The following ROBO1 variants were observed in gnomAD, a reference collection of about 807,000 sequenced individuals.
ROBO1 encodes roundabout guidance receptor 1, also known as roundabout homolog 1.
A neutral mutation model predicts 195.9 loss-of-function variants in ROBO1; 149 were observed. The ratio of observed to expected loss-of-function variants is 0.76; its 90% CI spans 0.67 to 0.87. ROBO1 has a LOEUF of 0.87. ROBO1 is among the 40% of genes least tolerant of loss of function. The probability of loss-of-function intolerance (pLI) is 0.00; values close to 1 mark genes in which losing one functional copy is unlikely to be tolerated. For synonymous variants in ROBO1, 816 were observed against 733.2 expected (o/e 1.11, Z -1.82); for missense variants, 1,933 against 2,068.3 (o/e 0.93, Z 1.27).
chr3:79,373,429 C>A (rs1361923951), intron 2 of ROBO1, among the ~76,000 whole-genome samples: 1 of 152,102 alleles, frequency 6.6e-6, no homozygotes, highest in Non-Finnish European at 1.5e-5. Flanking sequence ...TTGAAGACTG[C>A]CCTAATTCTA....
chr3:78,768,696 A>T (rs111270422), intron 4 of ROBO1, among the ~76,000 whole-genome samples: 8,242 of 151,310 alleles, frequency 0.054, 300 homozygotes, highest in Middle Eastern at 0.11. Context: ...ACATGTGCAC[A>T]TTGTGCAGGT....
At chr3:79,200,183 T>C (rs1559730657) in intron 2 of ROBO1, among the ~76,000 whole-genome samples, 1 of 151,778 alleles carries the variant, frequency 6.6e-6, no homozygotes, top group Non-Finnish European at 1.5e-5. Flanking sequence ...TTAGTCACCA[T>C]TTAAATTCAA....
chr3:79,151,244 T>C (rs1036122786), intron 2 of ROBO1, among the ~76,000 whole-genome samples: 7 of 151,790 alleles, frequency 4.6e-5, no homozygotes, highest in African/African-American at 1.2e-4. Flanking sequence ...TGTGTCTTTA[T>C]TAGCAGCATG....
chr3:79,760,191 C>T (rs1458495207), intron 1 of ROBO1, among the ~76,000 whole-genome samples: 5 of 125,574 alleles, frequency 4.0e-5, no homozygotes, highest in South Asian at 2.6e-4. Context: ...GAGCCGAGAT[C>T]GCGCCACTGC....
intron 4 of ROBO1, among the ~76,000 whole-genome samples, chr3:78,768,252 G>T (rs1047924043): frequency 6.6e-6 from 1 of 151,744 alleles, no homozygotes; most frequent in African/African-American, 2.4e-5. Flanking sequence ...TTTGGGGGGT[G>T]GGGTGGAGTC....
chr3:78,997,326 C>A (rs1437990698), intron 3 of ROBO1, among the ~76,000 whole-genome samples: 1 of 152,094 alleles, frequency 6.6e-6, no homozygotes, highest in Non-Finnish European at 1.5e-5. Flanking sequence ...TCTCTGACCA[C>A]TAGCATATAG....
chr3:79,588,182 A>T (rs1943888723), intron 2 of ROBO1, among the ~76,000 whole-genome samples: 1 of 151,814 alleles, frequency 6.6e-6, no homozygotes, highest in South Asian at 2.1e-4. Context: ...AAGTATTTGC[A>T]TGTAAAATAG....
intron 1 of ROBO1, among the ~76,000 whole-genome samples, chr3:79,615,220 C>A (rs991421042): frequency 6.6e-6 from 1 of 152,104 alleles, no homozygotes; most frequent in Non-Finnish European, 1.5e-5. Flanking sequence ...AACCTTTGCT[C>A]TCCATAACTC....
At chr3:79,459,488 G>A (rs939824445) in intron 2 of ROBO1, among the ~76,000 whole-genome samples, 7 of 150,684 alleles carry the variant, frequency 4.6e-5, no homozygotes, top group Admixed American at 4.6e-4. Flanking sequence ...AGAGTATATA[G>A]AACCAATAAT....
intron 4 of ROBO1, among the ~76,000 whole-genome samples, chr3:78,819,495 C>T (rs1339333942): frequency 6.7e-6 from 1 of 148,798 alleles, no homozygotes; most frequent in Non-Finnish European, 1.5e-5. Context: ...TACAGATAAT[C>T]TATGGTCCTA....
intron 19 of ROBO1, 35 bp from the exon 20 acceptor site, chr3:78,647,690 A>C: frequency 6.4e-7 from 1 of 1,574,460 alleles, no homozygotes; most frequent in Non-Finnish European, 8.7e-7. Flanking sequence ...ACCAGTTATT[A>C]AGCTGAAGAG....
At chr3:79,048,723 A>G (rs566801856) in intron 3 of ROBO1, among the ~76,000 whole-genome samples, 2 of 152,132 alleles carry the variant, frequency 1.3e-5, no homozygotes, top group South Asian at 4.1e-4. Context: ...CTAAGAAAAT[A>G]GCAGCCTCCG....
chr3:78,832,364 T>C (rs191089534), intron 4 of ROBO1, among the ~76,000 whole-genome samples: 185 of 152,328 alleles, frequency 1.2e-3, no homozygotes, highest in African/African-American at 4.2e-3. Flanking sequence ...TGCAGGTGTA[T>C]ATGCCTCCGC....
At chr3:78,627,597 C>G in intron 25 of ROBO1, 28 bp from the exon 26 acceptor site, 1 of 1,579,924 alleles carries the variant, frequency 6.3e-7, no homozygotes, top group East Asian at 2.2e-5. Context: ...GATGTGTAGA[C>G]TTACTTCAGG....
chr3:79,505,215 ATT>A (rs35524361), intron 2 of ROBO1, among the ~76,000 whole-genome samples: 4 of 144,046 alleles, frequency 2.8e-5, no homozygotes, highest in African/African-American at 8.5e-5. Context: ...CTTTCTATAT[ATT>A]TTTTTTTTCT....
intron 2 of ROBO1, among the ~76,000 whole-genome samples, chr3:79,344,700 C>T (rs1432604513): frequency 6.6e-6 from 1 of 151,844 alleles, no homozygotes; most frequent in Admixed American, 6.6e-5. Flanking sequence ...AAAATGCATA[C>T]ATATATGCAT....
At chr3:78,723,609 T>C (rs1008990729) in intron 5 of ROBO1, among the ~76,000 whole-genome samples, 1 of 152,060 alleles carries the variant, frequency 6.6e-6, no homozygotes, top group Non-Finnish European at 1.5e-5. Context: ...CCCGGAGATA[T>C]CTGGCAATGT....
chr3:79,159,003 A>C (rs2080907618), intron 2 of ROBO1, among the ~76,000 whole-genome samples: 1 of 152,030 alleles, frequency 6.6e-6, no homozygotes, highest in African/African-American at 2.4e-5. Context: ...GCATGACTAA[A>C]GTGGAATTGA....
chr3:79,386,637 G>A (rs1195433950), intron 2 of ROBO1, among the ~76,000 whole-genome samples: 1 of 152,120 alleles, frequency 6.6e-6, no homozygotes, highest in Non-Finnish European at 1.5e-5. Flanking sequence ...GCAAGACAGG[G>A]CAGCCCAGCC....
Sources: gnomAD v4.1 joint callset for allele counts (sites outside exome capture counted in the v4.1 genomes callset) on GRCh38, gnomAD v4.1.1 for gene constraint, MANE v1.5 for transcripts, NCBI Gene and HGNC (gene_info 2026-07-23, HGNC 2026-07-21) for gene names.